Variants in CACNA2D3 observed in about 807,000 individuals in gnomAD.
The protein encoded by CACNA2D3 is calcium voltage-gated channel auxiliary subunit alpha2delta 3.
Under a neutral mutation model 160.6 loss-of-function variants are expected in CACNA2D3, and 60 were observed. That is an observed-to-expected ratio of 0.37 (90% CI 0.30 to 0.46). The LOEUF (loss-of-function observed/expected upper bound fraction) is 0.46. Among genes scored for constraint, CACNA2D3 ranks in the 20% least tolerant of loss-of-function variants. The pLI, the probability that CACNA2D3 is intolerant of heterozygous loss-of-function variation, is 1.00. For synonymous variants in CACNA2D3, 558 were observed against 492.9 expected (o/e 1.13, Z -1.75); for missense variants, 1,205 against 1,365.0 (o/e 0.88, Z 1.85).
chr3:54,456,757 ACTACAACTTTAAC>A (rs1418956931), intron 4 of CACNA2D3, among the ~76,000 whole-genome samples: 1 of 151,874 alleles, frequency 6.6e-6, no homozygotes, highest in Admixed American at 6.6e-5. Context: ...GAGGTTTTTA[ACTACAACTTTAAC>A]CTCTTGGTTC....
At chr3:55,007,095 G>A (rs1703113611) in intron 32 of CACNA2D3, among the ~76,000 whole-genome samples, 1 of 152,130 alleles carries the variant, frequency 6.6e-6, no homozygotes, top group Non-Finnish European at 1.5e-5. Context: ...CAGAATTCAG[G>A]AAATTGAATT....
chr3:54,458,635 G>C (rs776577253), intron 4 of CACNA2D3, among the ~76,000 whole-genome samples: 1 of 151,998 alleles, frequency 6.6e-6, no homozygotes, highest in Non-Finnish European at 1.5e-5. Context: ...TTTGACTACA[G>C]TGTGCCTCAG....
chr3:54,150,052 A>G (rs1262766806), intron 2 of CACNA2D3, among the ~76,000 whole-genome samples: 2 of 149,814 alleles, frequency 1.3e-5, no homozygotes, highest in South Asian at 2.2e-4. Context: ...ATGGAAACAC[A>G]TACAAGCACA....
intron 9 of CACNA2D3, among the ~76,000 whole-genome samples, chr3:54,584,296 T>TG (rs1372259232): frequency 5.3e-5 from 8 of 152,196 alleles, no homozygotes; most frequent in African/African-American, 1.9e-4. Context: ...GGAATTCTCT[T>TG]GCAACAAATG....
chr3:54,650,043 G>C (rs1034206774), intron 11 of CACNA2D3, among the ~76,000 whole-genome samples: 4 of 152,084 alleles, frequency 2.6e-5, no homozygotes, highest in African/African-American at 9.7e-5. Flanking sequence ...TGCATGAACT[G>C]ACCCTCACCT....
At chr3:54,374,448 CA>C (rs1698974979) in intron 3 of CACNA2D3, among the ~76,000 whole-genome samples, 1 of 152,240 alleles carries the variant, frequency 6.6e-6, no homozygotes, top group South Asian at 2.1e-4. Flanking sequence ...CCGTAGAAGA[CA>C]CAGCTTAGAT....
intron 4 of CACNA2D3, among the ~76,000 whole-genome samples, chr3:54,438,169 A>T (rs1419043043): frequency 6.6e-6 from 1 of 152,236 alleles, no homozygotes; most frequent in Non-Finnish European, 1.5e-5. Context: ...TGCATGAGGA[A>T]AACTGGTTGG....
intron 4 of CACNA2D3, among the ~76,000 whole-genome samples, chr3:54,492,704 T>G (rs983916351): frequency 6.6e-6 from 1 of 152,242 alleles, no homozygotes; most frequent in African/African-American, 2.4e-5. Context: ...TAGAAAGGGT[T>G]AAAGGCTCTG....
chr3:54,285,065 A>C (rs1420573034), intron 2 of CACNA2D3, among the ~76,000 whole-genome samples: 1 of 152,176 alleles, frequency 6.6e-6, no homozygotes, highest in Non-Finnish European at 1.5e-5. Flanking sequence ...CTTACTAGGG[A>C]GTGCCAGACA....
chr3:54,838,636 C>A lies in CACNA2D3; in HGVS notation c.1539C>A (p.Ile513=). 6.2e-7 allele frequency: 1 copy of A among 1,610,380 alleles called. No homozygotes were observed. The highest frequency in any genetic ancestry group is 1.3e-5 in the African/African-American group (1 of 74,952). The change falls in exon 16 of 38, where the codon ATC becomes ATA. Residue 513 remains isoleucine, a synonymous_variant. Coordinates refer to ENST00000474759, the MANE Select transcript of CACNA2D3 (RefSeq NM_018398.3). ...CAGTGAAAGAACTTCTGAAGACCAT[C>A]CCCAAATACAAGGTAATGAATGACC... ...DVPVKELLKT[I]PKYKLGIHGY...
At chr3:54,737,558 A>AG (rs953836941) in intron 11 of CACNA2D3, among the ~76,000 whole-genome samples, 3 of 152,104 alleles carry the variant, frequency 2.0e-5, no homozygotes, top group Admixed American at 6.6e-5. Context: ...GGGGCTGAGT[A>AG]GGGGGGCAAG....
intron 9 of CACNA2D3, among the ~76,000 whole-genome samples, chr3:54,612,007 A>G (rs1046554650): frequency 2.6e-5 from 4 of 152,222 alleles, no homozygotes; most frequent in African/African-American, 9.6e-5. Context: ...AAAGAATGCC[A>G]ATGCCCCCAT....
chr3:54,812,533 G>A (rs1703345331), intron 13 of CACNA2D3, among the ~76,000 whole-genome samples: 1 of 152,176 alleles, frequency 6.6e-6, no homozygotes, highest in African/African-American at 2.4e-5. Context: ...CCATCCACCT[G>A]ATACACCACA....
chr3:54,139,750 C>A (rs1252986891), intron 2 of CACNA2D3, among the ~76,000 whole-genome samples: 3 of 152,004 alleles, frequency 2.0e-5, no homozygotes, highest in African/African-American at 7.3e-5. Flanking sequence ...CTTTAAACTG[C>A]CAAATAAAAA....
At chr3:54,274,973 C>A (rs1025310536) in intron 2 of CACNA2D3, among the ~76,000 whole-genome samples, 3 of 152,230 alleles carry the variant, frequency 2.0e-5, no homozygotes, top group Admixed American at 6.5e-5. Context: ...AGGTCTAACC[C>A]ACACTCATGG....
intron 2 of CACNA2D3, among the ~76,000 whole-genome samples, chr3:54,213,752 T>C (rs1404764977): frequency 2.0e-5 from 3 of 152,138 alleles, no homozygotes; most frequent in Middle Eastern, 3.2e-3. Context: ...AAGATAAATA[T>C]GGGGATTCAT....
At chr3:54,208,673 C>T (rs1390685835) in intron 2 of CACNA2D3, among the ~76,000 whole-genome samples, 3 of 152,122 alleles carry the variant, frequency 2.0e-5, no homozygotes, top group Non-Finnish European at 4.4e-5. Context: ...TGGACAGGCA[C>T]ATCCAGTTCT....
At chr3:54,191,569 G>A (rs901395073) in intron 2 of CACNA2D3, among the ~76,000 whole-genome samples, 1 of 152,076 alleles carries the variant, frequency 6.6e-6, no homozygotes, top group Admixed American at 6.6e-5. Context: ...AAGTTGAACC[G>A]ACCGAGTACA....
At chr3:54,887,922 C>A in intron 23 of CACNA2D3, 37 bp from the exon 24 acceptor site, 1 of 1,546,404 alleles carries the variant, frequency 6.5e-7, no homozygotes, top group Non-Finnish European at 8.9e-7. Flanking sequence ...CTCTTCCAGC[C>A]CTGCTGAAGC....
Sources: gnomAD v4.1 joint callset for allele counts (sites outside exome capture counted in the v4.1 genomes callset) on GRCh38, gnomAD v4.1.1 for gene constraint, MANE v1.5 for transcripts, NCBI Gene and HGNC (gene_info 2026-07-23, HGNC 2026-07-21) for gene names.